NPAS3: variants seen among roughly 807,000 people sequenced by gnomAD.
The protein encoded by NPAS3 is neuronal PAS domain-containing protein 3.
In NPAS3, 14 loss-of-function variants were observed where a neutral mutation model predicts 73.1. The observed-to-expected ratio is 0.19, with a 90% CI of 0.13 to 0.30. NPAS3 has a LOEUF of 0.30. Ranked by LOEUF, NPAS3 falls within the 10% of genes least tolerant of loss-of-function variation. The pLI is 1.00. For missense variants in NPAS3, 1,096 were observed against 1,250.0 expected, an observed-to-expected ratio of 0.88 and a Z score of 1.86; for synonymous variants, 620 against 541.5, an observed-to-expected ratio of 1.14 and a Z score of -2.01.
chr14:32,936,661 G>C (rs189213530), upstream of NPAS3, among the ~76,000 whole-genome samples: 2 of 152,258 alleles, frequency 1.3e-5, no homozygotes, highest in Admixed American at 1.3e-4. Context: ...GGACCTCCGG[G>C]AACTTGAGCT....
intron 4 of NPAS3, among the ~76,000 whole-genome samples, chr14:33,370,011 TTTGCAAATAG>T (rs2046016563): frequency 6.6e-6 from 1 of 152,156 alleles, no homozygotes; most frequent in Admixed American, 6.5e-5. Context: ...TCTTTCTTCA[TTTGCAAATAG>T]TTGATAAAAA....
At chr14:33,148,709 C>T (rs1034063290) in intron 2 of NPAS3, among the ~76,000 whole-genome samples, 10 of 152,080 alleles carry the variant, frequency 6.6e-5, no homozygotes, top group South Asian at 2.1e-4. Context: ...TTTTTGGAGA[C>T]GAGGTCTCAC....
chr14:33,406,293 G>A (rs1208055976), intron 4 of NPAS3, among the ~76,000 whole-genome samples: 1 of 152,124 alleles, frequency 6.6e-6, no homozygotes, highest in Non-Finnish European at 1.5e-5. Flanking sequence ...ATGAGTATGT[G>A]TGGTGGGAAG....
intron 3 of NPAS3, among the ~76,000 whole-genome samples, chr14:33,273,692 A>G (rs1594570924): frequency 6.6e-6 from 1 of 152,204 alleles, no homozygotes; most frequent in Non-Finnish European, 1.5e-5. Flanking sequence ...GAATAAACTC[A>G]TTAAAAATGA....
At chr14:33,276,444 C>T (rs1293570918) in intron 3 of NPAS3, among the ~76,000 whole-genome samples, 1 of 152,086 alleles carries the variant, frequency 6.6e-6, no homozygotes, top group East Asian at 1.9e-4. Flanking sequence ...CCTCCCATCT[C>T]CCTATTATGA....
intron 4 of NPAS3, among the ~76,000 whole-genome samples, chr14:33,404,074 G>A (rs904781487): frequency 3.9e-5 from 6 of 152,130 alleles, no homozygotes; most frequent in Admixed American, 3.3e-4. Flanking sequence ...GGGGAATGGA[G>A]ACCAAGGGAA....
At chr14:33,281,762 A>G (rs538185457) in intron 3 of NPAS3, among the ~76,000 whole-genome samples, 2 of 152,286 alleles carry the variant, frequency 1.3e-5, no homozygotes, top group African/African-American at 2.4e-5. Flanking sequence ...AACATTCATA[A>G]TAAACTGATT....
chr14:33,011,629 A>G (rs1371852356), intron 1 of NPAS3, among the ~76,000 whole-genome samples: 2 of 152,194 alleles, frequency 1.3e-5, no homozygotes, highest in African/African-American at 2.4e-5. Flanking sequence ...GCTGTAATTC[A>G]TAAGAAATCA....
chr14:33,256,176 A>G (rs1038128963), intron 3 of NPAS3, among the ~76,000 whole-genome samples: 1 of 152,182 alleles, frequency 6.6e-6, no homozygotes, highest in Non-Finnish European at 1.5e-5. Context: ...GTGTAAGAGA[A>G]CCGGTGTTAA....
intron 1 of NPAS3, among the ~76,000 whole-genome samples, chr14:32,993,320 T>C (rs2038414248): frequency 1.3e-5 from 2 of 151,602 alleles, no homozygotes; most frequent in East Asian, 3.9e-4. Context: ...GGTTTGGGAG[T>C]AGGAAGAACA....
chr14:33,323,662 C>CT (rs1177294915), intron 3 of NPAS3, among the ~76,000 whole-genome samples: 1 of 152,218 alleles, frequency 6.6e-6, no homozygotes, highest in African/African-American at 2.4e-5. Context: ...GTGTCACTTG[C>CT]TGTAACACTC....
chr14:33,674,601 C>T (rs1315710115), intron 5 of NPAS3, among the ~76,000 whole-genome samples: 1 of 152,140 alleles, frequency 6.6e-6, no homozygotes, highest in Non-Finnish European at 1.5e-5. Context: ...CACTGTGAAT[C>T]CCGATTTACG....
Position 33,800,041 on chromosome 14 carries a change from C to G in NPAS3, c.1734C>G (p.Asp578Glu), listed in dbSNP as rs750571832. The change falls in exon 12 of 12, where the codon GAC becomes GAG. Residue 578 changes from aspartate to glutamate, a missense_variant. By Grantham distance (45) the Asp-to-Glu change is conservative. Around this residue, in one of 5 missense-constraint regions of NPAS3, gnomAD observed 698 missense variants for 676.7 expected, o/e 1.03. Transcript: ENST00000356141. The surrounding 1 kb of genome is among the most constrained non-coding windows in gnomAD (Gnocchi z 6.5). ...AGAACTGCGAGTCACTCACGTCCGA[C>G]AGCGCCAAGGACTCGGACAGCGCAG... 6.2e-7 allele frequency: 1 copy of G among 1,608,942 alleles called. No homozygotes were observed. The highest frequency in any genetic ancestry group is 8.5e-7 in the Non-Finnish European group (1 of 1,179,386).
At chr14:33,640,762 T>C (rs2058654718) in intron 5 of NPAS3, among the ~76,000 whole-genome samples, 1 of 152,238 alleles carries the variant, frequency 6.6e-6, no homozygotes, top group South Asian at 2.1e-4. Context: ...GCTCCTGCTG[T>C]CTGGGAGTTG....
chr14:33,509,600 AG>A lies in NPAS3; in HGVS notation c.469-50519del, dbSNP rs1241387819. ...ACTGGAATGACTGAGGGTGTGCATT[AG>A]GCTCAGTTAAGGAGACCTGGAGGAG... On this transcript the variant is annotated intron_variant, in intron 4 of 11. Transcript: ENST00000356141. 2.0e-5 allele frequency among the ~76,000 whole-genome samples: 3 copies of A among 152,030 alleles called. No individual in the cohort carries two copies. In the South Asian group the frequency reaches 6.2e-4, roughly 32 times the overall value.
chr14:33,675,457 T>C (rs1475608956), intron 5 of NPAS3, among the ~76,000 whole-genome samples: 11 of 152,164 alleles, frequency 7.2e-5, no homozygotes, highest in Non-Finnish European at 1.3e-4. Context: ...GTTAGAGAGT[T>C]AGCCTGATTC....
chr14:33,048,376 C>A (rs2040583700), intron 1 of NPAS3, among the ~76,000 whole-genome samples: 1 of 152,198 alleles, frequency 6.6e-6, no homozygotes, highest in Non-Finnish European at 1.5e-5. Flanking sequence ...CGGTGTAGCC[C>A]TTAAGGACAA....
intron 3 of NPAS3, among the ~76,000 whole-genome samples, chr14:33,296,318 A>C (rs2042297353): frequency 6.6e-6 from 1 of 152,206 alleles, no homozygotes; most frequent in African/African-American, 2.4e-5. Flanking sequence ...CAGTATGTGT[A>C]CATGTACACA....
chr14:33,289,647 C>CCCAT (rs2042016195), intron 3 of NPAS3, among the ~76,000 whole-genome samples: 1 of 151,954 alleles, frequency 6.6e-6, no homozygotes, highest in Non-Finnish European at 1.5e-5. Flanking sequence ...ATGGTGAAAC[C>CCCAT]CCATGTCTAC....
Sources: allele counts gnomAD v4.1 joint callset (sites outside exome capture counted in the v4.1 genomes callset), GRCh38; gene constraint gnomAD v4.1.1; regional missense constraint gnomAD v4.1.1; non-coding constraint Gnocchi (gnomAD v3.1); transcripts MANE v1.5; gene names NCBI Gene and HGNC (gene_info 2026-07-23, HGNC 2026-07-21).